Variants in NT5DC3 observed in about 807,000 individuals in gnomAD.
The protein encoded by NT5DC3 is 5'-nucleotidase domain-containing protein 3.
Under a neutral mutation model 67.8 loss-of-function variants are expected in NT5DC3, and 42 were observed. The observed-to-expected ratio is 0.62, with a 90% CI of 0.48 to 0.80. The LOEUF is 0.80. Among genes scored for constraint, NT5DC3 ranks in the 30% least tolerant of loss-of-function variants. The probability of loss-of-function intolerance (pLI) is 0.00; values close to 1 mark genes in which losing one functional copy is unlikely to be tolerated. For missense variants in NT5DC3, 570 were observed against 696.4 expected (o/e 0.82, Z 2.04); for synonymous variants, 237 against 255.6 (o/e 0.93, Z 0.69).
the NT5DC3 span, chr12:103,750,688 C>A: frequency 6.8e-6 from 11 of 1,614,018 alleles, no homozygotes; most frequent in African/African-American, 1.3e-5. Context: ...CAGTGCCATG[C>A]AGACGCCAAA....
At chr12:103,816,278 T>C (rs1469795634) in intron 1 of NT5DC3, among the ~76,000 whole-genome samples, 1 of 152,200 alleles carries the variant, frequency 6.6e-6, no homozygotes, top group East Asian at 1.9e-4. Flanking sequence ...AGTCCGAAAT[T>C]CAAAATGCTC....
intron 6 of NT5DC3, among the ~76,000 whole-genome samples, chr12:103,795,331 G>A (rs1006723519): frequency 3.3e-5 from 5 of 151,418 alleles, no homozygotes; most frequent in African/African-American, 9.7e-5. Flanking sequence ...CATAAGAACA[G>A]TGCCTAGGAC....
the NT5DC3 span, among the ~76,000 whole-genome samples, chr12:103,761,922 G>A: frequency 3.3e-5 from 5 of 152,182 alleles, no homozygotes; most frequent in African/African-American, 1.2e-4. Flanking sequence ...GAGGTGAGCT[G>A]CTGGAGAGTT....
At chr12:103,750,946 G>A in the NT5DC3 span, among the ~76,000 whole-genome samples, 1 of 152,194 alleles carries the variant, frequency 6.6e-6, no homozygotes, top group South Asian at 2.1e-4. Flanking sequence ...CAAAAAATCA[G>A]CCGGTTGTGG....
At chr12:103,780,535 G>T (rs1293074146) in intron 12 of NT5DC3, among the ~76,000 whole-genome samples, 171 bp from the exon 13 acceptor site, 3 of 152,124 alleles carry the variant, frequency 2.0e-5, no homozygotes, top group Admixed American at 2.0e-4. Flanking sequence ...TTGAAACCCT[G>T]CCTTCTTCAT....
intron 9 of NT5DC3, 68 bp downstream of exon 9, chr12:103,793,095 GA>G: frequency 9.0e-7 from 1 of 1,113,496 alleles, no homozygotes; most frequent in Non-Finnish European, 1.3e-6. Context: ...ATTTTACCAA[GA>G]CACACCATCT....
intron 2 of NT5DC3, among the ~76,000 whole-genome samples, chr12:103,814,095 C>T (rs191035921): frequency 6.6e-6 from 1 of 152,322 alleles, no homozygotes; most frequent in Admixed American, 6.5e-5. Context: ...ACCCACGTGA[C>T]CGACGACCCC....
chr12:103,759,095 C>T, the NT5DC3 span: 10 of 1,613,860 alleles, frequency 6.2e-6, no homozygotes, highest in Non-Finnish European at 8.5e-6. Flanking sequence ...TATTGCTTGG[C>T]CTTTGAAGAG....
At chr12:103,759,275 T>C in the NT5DC3 span, 9 of 1,613,516 alleles carry the variant, frequency 5.6e-6, no homozygotes, top group East Asian at 8.9e-5. Context: ...CTCCAACCGG[T>C]ACAAAGTCTT....
At chr12:103,790,882 G>A (rs1262401082) in intron 9 of NT5DC3, among the ~76,000 whole-genome samples, 2 of 148,702 alleles carry the variant, frequency 1.3e-5, no homozygotes, top group African/African-American at 5.0e-5. Context: ...GTAGAGAGGG[G>A]GTTTCACCAT....
chr12:103,772,092 A>G (rs4248827), downstream of NT5DC3, among the ~76,000 whole-genome samples: 111,755 of 151,876 alleles, frequency 0.74, 41,413 homozygotes, highest in East Asian at 0.9. Context: ...GAAACCTTTG[A>G]GCTTTCCCCA....
the NT5DC3 span, among the ~76,000 whole-genome samples, chr12:103,756,247 G>T: frequency 8.5e-5 from 13 of 152,204 alleles, no homozygotes; most frequent in African/African-American, 3.1e-4. Context: ...GTCATATCCA[G>T]CGAAGAGAAA....
intron 1 of NT5DC3, among the ~76,000 whole-genome samples, chr12:103,828,743 G>A (rs1292357062): frequency 6.8e-6 from 1 of 147,714 alleles, no homozygotes; most frequent in Non-Finnish European, 1.5e-5. Flanking sequence ...TGTTGCCCAG[G>A]CTGGAGTGCA....
At chr12:103,748,946 C>A in the NT5DC3 span, 3 of 1,607,132 alleles carry the variant, frequency 1.9e-6, no homozygotes, top group East Asian at 6.7e-5. Context: ...TGAGCCCTCT[C>A]TCCTCTGCTC....
At chr12:103,782,879 G>C (rs1315831922) in intron 12 of NT5DC3, among the ~76,000 whole-genome samples, 1 of 152,120 alleles carries the variant, frequency 6.6e-6, no homozygotes, top group Admixed American at 6.5e-5. Flanking sequence ...CCAGCTACTT[G>C]GGAGGCTGAG....
At chr12:103,835,383 A>G (rs903612783) in intron 1 of NT5DC3, among the ~76,000 whole-genome samples, 1 of 152,194 alleles carries the variant, frequency 6.6e-6, no homozygotes, top group Non-Finnish European at 1.5e-5. Flanking sequence ...AAGAGAAGAT[A>G]GGGTCCACCG....
At chr12:103,750,637 C>T in the NT5DC3 span, 74 of 1,614,108 alleles carry the variant, frequency 4.6e-5, no homozygotes, top group Middle Eastern at 3.3e-4. Context: ...AACTGTGAGC[C>T]GGAGCAGCTG....
At chr12:103,799,395 T>C (rs116715678) in intron 4 of NT5DC3, among the ~76,000 whole-genome samples, 52 of 152,312 alleles carry the variant, frequency 3.4e-4, no homozygotes, top group African/African-American at 1.2e-3. Context: ...GCTATTCTCA[T>C]GGCAGTGAAT....
chr12:103,818,816 A>C (rs1386492970), intron 1 of NT5DC3, among the ~76,000 whole-genome samples: 2 of 152,206 alleles, frequency 1.3e-5, no homozygotes, highest in Admixed American at 1.3e-4. Context: ...TTTGATATCT[A>C]ATACTGAAGA....
Sources: allele counts gnomAD v4.1 joint callset (sites outside exome capture counted in the v4.1 genomes callset), GRCh38; gene constraint gnomAD v4.1.1; transcripts MANE v1.5; gene names NCBI Gene and HGNC (gene_info 2026-07-23, HGNC 2026-07-21).